RTRAF: variants seen among roughly 807,000 people sequenced by gnomAD.
RTRAF encodes RNA transcription, translation and transport factor.
RTRAF carries 14 observed loss-of-function variants against 34.4 expected under a neutral mutation model. That is an observed-to-expected ratio of 0.41 (90% CI 0.27 to 0.64). RTRAF has a LOEUF of 0.64. Ranked by LOEUF, RTRAF falls within the 30% of genes least tolerant of loss-of-function variation. The pLI is 0.34. For missense variants in RTRAF, 291 were observed against 288.4 expected (o/e 1.01, Z -0.06); for synonymous variants, 96 against 95.3 (o/e 1.01, Z -0.04).
At chr14:51,996,848 G>A (rs574259884) in intron 3 of RTRAF, among the ~76,000 whole-genome samples, 39 of 152,048 alleles carry the variant, frequency 2.6e-4, no homozygotes, top group African/African-American at 7.7e-4. Context: ...ATTATGCACC[G>A]CATTAGTTGT....
rs192664435 is a variant in RTRAF, at chr14:52,004,605, C to T, written c.*89C>T. On this transcript the variant is annotated 3_prime_UTR_variant, in exon 8 of 8. Coordinates refer to ENST00000261700, the MANE Select transcript of RTRAF (RefSeq NM_016039.3). Reference sequence around the variant, plus strand: ...TTTGGAAATCAAAATGTCACATTCTCGGGGGAGGAAGCCCAGAAAATTGGG... The same window carrying T: ...TTTGGAAATCAAAATGTCACATTCTTGGGGGAGGAAGCCCAGAAAATTGGG... 1.0e-4 allele frequency: 136 copies of T among 1,321,480 alleles called. No individual in the cohort carries two copies. In the East Asian group the frequency reaches 1.1e-3, roughly 11 times the overall value. The allele number at this position is 1,321,480 out of a possible 1,614,324, so 81.9% of individuals were successfully genotyped here.
chr14:52,002,712 CAAT>C (rs1431178104), intron 6 of RTRAF, among the ~76,000 whole-genome samples: 3 of 152,206 alleles, frequency 2.0e-5, no homozygotes, highest in Non-Finnish European at 4.4e-5. Flanking sequence ...CCTCCTGCAG[CAAT>C]GATGTTGTAG....
chr14:51,991,471 C>G (rs1198169615), intron 2 of RTRAF, 30 bp downstream of exon 2: 4 of 1,587,906 alleles, frequency 2.5e-6, no homozygotes, highest in African/African-American at 1.4e-5. Flanking sequence ...AGTAAAAATA[C>G]AGAGAGTTTG....
At chr14:51,991,586 C>T (rs1594984108) in intron 2 of RTRAF, 145 bp downstream of exon 2, 1 of 901,628 alleles carries the variant, frequency 1.1e-6, no homozygotes, top group South Asian at 1.7e-5. Context: ...TTGCTTTTTT[C>T]TTAGATGTGT....
At chr14:51,999,524 T>TA (rs1890569935) in intron 4 of RTRAF, 184 bp from the exon 5 acceptor site, 1 of 498,712 alleles carries the variant, frequency 2.0e-6, no homozygotes, top group East Asian at 3.0e-5. Context: ...CATTTTATCT[T>TA]ACCAATTTAT....
rs150423151 is a variant in RTRAF at position 52,000,148 on chromosome 14, C to G, written c.462+352C>G. On this transcript the variant is annotated intron_variant, in intron 5 of 7. Transcript: ENST00000261700. Reference sequence around the variant, plus strand: ...AGCCAGGATTTTAAGCACTATAACCCTGTGGTCCATTGTTTTTCCCACATT... The same window carrying G: ...AGCCAGGATTTTAAGCACTATAACCGTGTGGTCCATTGTTTTTCCCACATT... Among the ~76,000 whole-genome samples, 20 of 152,190 alleles carry G rather than the reference C, an allele frequency of 1.3e-4. No homozygotes were observed. In the East Asian group the frequency reaches 3.5e-3, roughly 26 times the overall value.
Position 52,005,328 on chromosome 14 carries a change from T to TTTCACAAAAGTC in RTRAF, c.*815_*826dup. ...AGTAGTAAAGATTGAGGTATCAGCT[T>TTTCACAAAAGTC]TTCACAAAAGTCTTTTTGCACTACA... On this transcript the variant is annotated 3_prime_UTR_variant, in exon 8 of 8. Coordinates refer to ENST00000261700, the MANE Select transcript of RTRAF (RefSeq NM_016039.3). 1.8e-6 allele frequency: 1 copy of TTTCACAAAAGTC among 547,796 alleles called. No individual in the cohort carries two copies. Among genetic ancestry groups the TTTCACAAAAGTC allele is most frequent in the Non-Finnish European group, 3.0e-6 (1 of 337,336 alleles). The allele number at this position is 547,796 out of a possible 1,614,324, so 33.9% of individuals were successfully genotyped here. A position where few individuals can be genotyped will look rare whatever the true frequency, so the allele number is the denominator to read the frequency against.
chr14:52,008,085 T>G lies in RTRAF; in HGVS notation c.*3569T>G. ...GTATTATAGCCTTAAGCAATCCCCT[T>G]GAGTTTGGGCTGCATTAGTAGTGTC... On this transcript the variant is annotated 3_prime_UTR_variant, in exon 8 of 8. Transcript: ENST00000261700. 1 of 783,982 alleles carries G rather than the reference T, an allele frequency of 1.3e-6. No homozygotes were observed. Among genetic ancestry groups the G allele is most frequent in the Non-Finnish European group, 2.0e-6 (1 of 499,946 alleles). The allele number at this position is 783,982 out of a possible 1,614,324, so 48.6% of individuals were successfully genotyped here.
rs528017400 is a variant in RTRAF, at chr14:52,001,019, T to G, written c.463-779T>G. On this transcript the variant is annotated intron_variant, in intron 5 of 7. Coordinates refer to ENST00000261700, the MANE Select transcript of RTRAF (RefSeq NM_016039.3). Reference sequence around the variant, plus strand: ...ACAATAACATAATATGGAAAACATCTTAGTACGTTTGCCAAGTACAAGCAT... The same window carrying G: ...ACAATAACATAATATGGAAAACATCGTAGTACGTTTGCCAAGTACAAGCAT... 3.9e-5 allele frequency among the ~76,000 whole-genome samples: 6 copies of G among 152,350 alleles called. No homozygotes were observed. In the South Asian group the frequency reaches 8.3e-4, roughly 21 times the overall value.
Position 52,005,719 on chromosome 14 carries a change from C to CTAAA in RTRAF, c.*1204_*1207dup, listed in dbSNP as rs751386893. 6.3e-7 allele frequency: 1 copy of CTAAA among 1,588,288 alleles called. No homozygotes were observed. Among genetic ancestry groups the CTAAA allele is most frequent in the Non-Finnish European group, 8.6e-7 (1 of 1,156,654 alleles). The stretch of plus-strand genomic sequence containing the variant: ...TACCCTGCTAATTTAAAGGAGCATC[C>CTAAA]TAAAGCATACTTTTTACCTGTTGGG... On this transcript the variant is annotated 3_prime_UTR_variant, in exon 8 of 8. Transcript: ENST00000261700.
intron 3 of RTRAF, among the ~76,000 whole-genome samples, chr14:51,996,287 A>G (rs1050272344): frequency 1.3e-5 from 2 of 152,186 alleles, no homozygotes; most frequent in African/African-American, 4.8e-5. Context: ...TTGCAAAAAC[A>G]GACTTGAAAA....
intron 3 of RTRAF, 64 bp downstream of exon 3, chr14:51,993,886 T>A (rs556394100): frequency 4.0e-6 from 4 of 1,005,392 alleles, no homozygotes; most frequent in Non-Finnish European, 5.9e-6. Flanking sequence ...AGTGTGAAAA[T>A]GTAGGGAACT....
rs1018815314 is a variant in RTRAF, at chr14:51,998,577, G to C, written c.370G>C (p.Asp124His). ...AAATGCAGAACCATTGATCAATTTG[G>C]ATGGTGAGTATATAAATGCATAACA... Reference protein sequence around the residue: ...TKNAEPLINLDVNNPDFKAGV... With the variant: ...TKNAEPLINLHVNNPDFKAGV... The change falls in exon 4 of 8, where the codon GAT becomes CAT. Residue 124 changes from aspartate to histidine, a missense_variant. Transcript: ENST00000261700. The C allele has an allele frequency of 6.3e-7, 1 of 1,582,002 alleles. No homozygotes were observed.
Position 51,991,412 on chromosome 14 carries a change from A to G in RTRAF, c.157A>G (p.Ser53Gly), listed in dbSNP as rs1295652963. The G allele has an allele frequency of 1.2e-6, 2 of 1,613,462 alleles. No individual in the cohort carries two copies. Among genetic ancestry groups the G allele is most frequent in the Non-Finnish European group, 1.7e-6 (2 of 1,179,618 alleles). The part of the protein sequence containing the change: ...EDRGNLRNIH[S>G]SDWPKFFEKY... Reference sequence around the variant, plus strand: ...CAGAGGGAATTTAAGAAACATCCACAGCAGCGACTGGCCCAAGTTCTTTGA... The same window carrying G: ...CAGAGGGAATTTAAGAAACATCCACGGCAGCGACTGGCCCAAGTTCTTTGA... The change falls in exon 2 of 8, where the codon AGC becomes GGC. Residue 53 changes from serine to glycine, a missense_variant. Coordinates refer to ENST00000261700, the MANE Select transcript of RTRAF (RefSeq NM_016039.3).
intron 6 of RTRAF, 174 bp from the exon 7 acceptor site, chr14:52,004,020 A>G: frequency 1.6e-6 from 1 of 628,500 alleles, no homozygotes; most frequent in Non-Finnish European, 2.8e-6. Flanking sequence ...AAATAGGGAA[A>G]ACTCGCTAAT....
At position 52,005,741 on chromosome 14, in the gene RTRAF, T is replaced by TGGGCA; in HGVS notation, c.*1227_*1231dup. On this transcript the variant is annotated 3_prime_UTR_variant, in exon 8 of 8. Coordinates refer to ENST00000261700, the MANE Select transcript of RTRAF (RefSeq NM_016039.3). ...ATCCTAAAGCATACTTTTTACCTGT[T>TGGGCA]GGGCAGTAGGGGTAGACTGCAGTTA... The TGGGCA allele has an allele frequency of 3.1e-6, 5 of 1,610,998 alleles. No homozygotes were observed. Among genetic ancestry groups the TGGGCA allele is most frequent in the Non-Finnish European group, 4.2e-6 (5 of 1,177,116 alleles).
intron 1 of RTRAF, 61 bp downstream of exon 1, chr14:51,989,761 G>A: frequency 6.7e-7 from 1 of 1,502,400 alleles, no homozygotes; most frequent in Non-Finnish European, 9.0e-7. Context: ...CCCAGCCTCA[G>A]TGCCCGCACC....
Position 52,005,432 on chromosome 14 carries a change from T to G in RTRAF, c.*916T>G. ...TTCTTTGCCTTTGCAGTCACTGTTC[T>G]TTAGGGTCCAGGTTCTGATTGTAAA... On this transcript the variant is annotated 3_prime_UTR_variant, in exon 8 of 8. Coordinates refer to ENST00000261700, the MANE Select transcript of RTRAF (RefSeq NM_016039.3). 1.3e-6 allele frequency: 2 copies of G among 1,513,320 alleles called. No individual in the cohort carries two copies. The highest frequency in any genetic ancestry group is 1.8e-6 in the Non-Finnish European group (2 of 1,129,878). 93.7% of individuals were successfully genotyped at this position (1,513,320 alleles called of 1,614,324 possible). A position where few individuals can be genotyped will look rare whatever the true frequency, so the allele number is the denominator to read the frequency against.
chr14:52,007,053 T>C lies in RTRAF; in HGVS notation c.*2537T>C, dbSNP rs944475299. The C allele has an allele frequency of 3.2e-5, 5 of 156,640 alleles. No homozygotes were observed. Among genetic ancestry groups the C allele is most frequent in the Admixed American group, 2.5e-4 (4 of 16,198 alleles). 9.7% of individuals were successfully genotyped at this position (156,640 alleles called of 1,614,324 possible). A position where few individuals can be genotyped will look rare whatever the true frequency, so the allele number is the denominator to read the frequency against. On this transcript the variant is annotated 3_prime_UTR_variant, in exon 8 of 8. Coordinates refer to ENST00000261700, the MANE Select transcript of RTRAF (RefSeq NM_016039.3). The stretch of plus-strand genomic sequence containing the variant: ...CTTTTAACCAAAATCCTTAGTATTT[T>C]TAAAATATTTTCTAGGTAGGAGGAA...
Sources: allele counts gnomAD v4.1 joint callset (sites outside exome capture counted in the v4.1 genomes callset), GRCh38; gene constraint gnomAD v4.1.1; transcripts MANE v1.5; gene names NCBI Gene and HGNC (gene_info 2026-07-23, HGNC 2026-07-21).